Variants in TRAPPC8 observed in about 807,000 individuals in gnomAD.
TRAPPC8 encodes general sporulation gene 1 homolog.
In TRAPPC8, 54 loss-of-function variants were observed where a neutral mutation model predicts 174.3. That is an observed-to-expected ratio of 0.31 (90% CI 0.25 to 0.39). The LOEUF (loss-of-function observed/expected upper bound fraction) is 0.39. TRAPPC8 is among the 10% of genes least tolerant of loss of function. The pLI is 1.00. For synonymous variants in TRAPPC8, 630 were observed against 579.9 expected (o/e 1.09, Z -1.24); for missense variants, 1,531 against 1,699.1 (o/e 0.90, Z 1.74).
At chr18:31,866,684 G>A (rs1211551411) in intron 18 of TRAPPC8, among the ~76,000 whole-genome samples, 165 bp downstream of exon 18, 1 of 152,158 alleles carries the variant, frequency 6.6e-6, no homozygotes, top group African/African-American at 2.4e-5. Flanking sequence ...TAGAGATGAT[G>A]TTAGAAGTTA....
chr18:31,890,559 TAGA>T (rs1372888971), intron 12 of TRAPPC8, among the ~76,000 whole-genome samples, 173 bp downstream of exon 12: 1 of 152,082 alleles, frequency 6.6e-6, no homozygotes, highest in Non-Finnish European at 1.5e-5. Flanking sequence ...AAGTTGTGAG[TAGA>T]AGATCAAAAT....
intron 1 of TRAPPC8, among the ~76,000 whole-genome samples, chr18:31,937,030 G>A (rs1336912005): frequency 6.6e-6 from 1 of 151,540 alleles, no homozygotes; most frequent in South Asian, 2.1e-4. Flanking sequence ...GGCTAACATG[G>A]TGAAATCCCG....
At chr18:31,934,387 G>T (rs1179661758) in intron 1 of TRAPPC8, among the ~76,000 whole-genome samples, 1 of 151,970 alleles carries the variant, frequency 6.6e-6, no homozygotes, top group Non-Finnish European at 1.5e-5. Flanking sequence ...TGGGGAGGTG[G>T]ATGTTTCTTG....
intron 19 of TRAPPC8, among the ~76,000 whole-genome samples, chr18:31,859,095 A>AAAACAAAC (rs138836773): frequency 6.6e-6 from 1 of 151,178 alleles, no homozygotes; most frequent in Non-Finnish European, 1.5e-5. Flanking sequence ...CCCATCTCAA[A>AAAACAAAC]AAACAAACAA....
At chr18:31,913,905 G>A (rs2037022908) in intron 4 of TRAPPC8, among the ~76,000 whole-genome samples, 1 of 152,020 alleles carries the variant, frequency 6.6e-6, no homozygotes, top group Non-Finnish European at 1.5e-5. Context: ...CAGCGTGGTG[G>A]CCATAATCCC....
intron 2 of TRAPPC8, among the ~76,000 whole-genome samples, chr18:31,918,190 A>AATATATTCACACAAGAATATATTC (rs1300885146): frequency 2.0e-5 from 3 of 152,120 alleles, no homozygotes; most frequent in East Asian, 1.9e-4. Flanking sequence ...CATTCACAAG[A>AATATATTCACACAAGAATATATTC]ATATATTCAC....
chr18:31,934,047 G>C (rs1568155572), intron 1 of TRAPPC8, among the ~76,000 whole-genome samples: 1 of 152,036 alleles, frequency 6.6e-6, no homozygotes, highest in Non-Finnish European at 1.5e-5. Flanking sequence ...AATTAGCCAG[G>C]CATGGTGGCA....
chr18:31,889,204 TTATA>T (rs1056897838), intron 12 of TRAPPC8, among the ~76,000 whole-genome samples: 1 of 152,116 alleles, frequency 6.6e-6, no homozygotes. Context: ...CTTCACAGGG[TTATA>T]TACTACAGTA....
intron 12 of TRAPPC8, among the ~76,000 whole-genome samples, chr18:31,881,197 G>A (rs1385657566): frequency 3.3e-5 from 5 of 151,766 alleles, no homozygotes; most frequent in African/African-American, 1.2e-4. Context: ...AAAGTCCTAA[G>A]CAAAAACAAA....
chr18:31,893,305 A>G (rs2036039326), intron 11 of TRAPPC8, among the ~76,000 whole-genome samples: 1 of 152,138 alleles, frequency 6.6e-6, no homozygotes, highest in African/African-American at 2.4e-5. Context: ...TATAGTGTCA[A>G]GATATTACAT....
At chr18:31,863,585 G>T (rs1440043435) in intron 19 of TRAPPC8, among the ~76,000 whole-genome samples, 1 of 152,176 alleles carries the variant, frequency 6.6e-6, no homozygotes, top group Non-Finnish European at 1.5e-5. Flanking sequence ...TAGTATGATT[G>T]CATCTATAAT....
chr18:31,899,548 C>T (rs115583693), intron 10 of TRAPPC8, among the ~76,000 whole-genome samples: 170 of 152,258 alleles, frequency 1.1e-3, no homozygotes, highest in African/African-American at 3.8e-3. Flanking sequence ...ACAGATAAGT[C>T]GGATTAATCT....
At chr18:31,912,190 G>C (rs1225968240) in intron 5 of TRAPPC8, among the ~76,000 whole-genome samples, 1 of 152,068 alleles carries the variant, frequency 6.6e-6, no homozygotes, top group Admixed American at 6.6e-5. Flanking sequence ...ATAAAAGCAT[G>C]TTAAAAAGGT....
At chr18:31,833,036 A>C (rs1329603488) in intron 27 of TRAPPC8, among the ~76,000 whole-genome samples, 2 of 152,198 alleles carry the variant, frequency 1.3e-5, no homozygotes, top group East Asian at 3.8e-4. Flanking sequence ...AGGTTTCCCT[A>C]AACAAAAACT....
chr18:31,859,887 G>A (rs573330791), intron 19 of TRAPPC8, among the ~76,000 whole-genome samples: 12 of 152,002 alleles, frequency 7.9e-5, no homozygotes, highest in South Asian at 2.1e-4. Context: ...ATGGTGGTGC[G>A]CACCTGTAAT....
chr18:31,907,552 C>T lies in TRAPPC8; in HGVS notation c.1297G>A (p.Val433Met). ...CTGTAAGCCAAATCATAATGCTGCACCAAAAAACATAAGTCAGCCATTTTC... is the reference window on the plus strand; with the variant it reads ...CTGTAAGCCAAATCATAATGCTGCATCAAAAAACATAAGTCAGCCATTTTC... ...IRKMADLCFL[V>M]QHYDLAYSCY... The change falls in exon 9 of 29, where the codon GTG (valine) becomes ATG (methionine). Residue 433 changes from valine to methionine, a missense_variant. Val to Met is a conservative substitution (Grantham distance 21). Transcript: ENST00000283351. 2 of 1,611,076 alleles carry T rather than the reference C, an allele frequency of 1.2e-6. No individual in the cohort carries two copies. Among genetic ancestry groups the T allele is most frequent in the Non-Finnish European group, 1.7e-6 (2 of 1,178,202 alleles).
At chr18:31,840,051 A>T (rs1246185487) in intron 26 of TRAPPC8, among the ~76,000 whole-genome samples, 1 of 152,202 alleles carries the variant, frequency 6.6e-6, no homozygotes, top group African/African-American at 2.4e-5. Flanking sequence ...TTCAATAAAT[A>T]ATCATTATCA....
At chr18:31,882,718 G>A (rs1267899688) in intron 12 of TRAPPC8, among the ~76,000 whole-genome samples, 3 of 151,822 alleles carry the variant, frequency 2.0e-5, no homozygotes, top group African/African-American at 7.2e-5. Context: ...CTGGGTTCAA[G>A]CGATTCTCCT....
chr18:31,877,509 G>A (rs927192265), intron 12 of TRAPPC8, among the ~76,000 whole-genome samples: 3 of 151,660 alleles, frequency 2.0e-5, no homozygotes, highest in Non-Finnish European at 2.9e-5. Flanking sequence ...CTACTCGGGA[G>A]GCTGAGGCAA....
Sources: gnomAD v4.1 joint callset for allele counts (sites outside exome capture counted in the v4.1 genomes callset) on GRCh38, gnomAD v4.1.1 for gene constraint, MANE v1.5 for transcripts, NCBI Gene and HGNC (gene_info 2026-07-23, HGNC 2026-07-21) for gene names.